Variants in FGFR3 observed in about 807,000 individuals in gnomAD.
FGFR3 encodes fibroblast growth factor receptor 3.
A neutral mutation model predicts 82.9 loss-of-function variants in FGFR3; 25 were observed. That is an observed-to-expected ratio of 0.30 (90% CI 0.22 to 0.42). FGFR3 has a LOEUF of 0.42. Ranked by LOEUF, FGFR3 falls within the 10% of genes least tolerant of loss-of-function variation. FGFR3 has a pLI of 1.00. For missense variants in FGFR3, 1,026 were observed against 1,161.0 expected, an observed-to-expected ratio of 0.88 and a Z score of 1.69; for synonymous variants, 620 against 516.0, an observed-to-expected ratio of 1.20 and a Z score of -2.73.
intron 8 of FGFR3, 75 bp from the exon 9 acceptor site, chr4:1,804,255 T>C (rs992111114): frequency 1.3e-6 from 2 of 1,500,716 alleles, no homozygotes; most frequent in Non-Finnish European, 1.8e-6. Context: ...TGCCTGCGGC[T>C]CTGGGCCAGG....
In FGFR3 at chr4:1,794,069, G is replaced by A. The variant is rs17884282; in HGVS notation, c.109+26G>A. On this transcript the variant is annotated intron_variant, in intron 2 of 17. Transcript: ENST00000440486. ...GTAAGAAGGGACCCACTAGGCACGG[G>A]AGAGGCCGGCCCGTGCGGGCAGAGG... 2.0e-3 allele frequency: 2,565 copies of A among 1,310,080 alleles called. 28 individuals carry two copies. The African/African-American group carries it at 0.027, about 14-fold the overall frequency. The allele number at this position is 1,310,080 out of a possible 1,614,324, so 81.2% of individuals were successfully genotyped here.
rs1316920926 is a variant in FGFR3, at chr4:1,806,809, C to T, written c.2169-20C>T. The T allele has an allele frequency of 6.3e-7, 1 of 1,588,578 alleles. No individual in the cohort carries two copies. The highest frequency in any genetic ancestry group is 1.7e-4 in the Middle Eastern group (1 of 5,822). On this transcript the variant is annotated intron_variant, in intron 16 of 17. Transcript: ENST00000440486. ...AAGGCGGGAAGCGGCGGGGCTCACT[C>T]CTGAGCGCCCTGCCCGCAGGTACAT...
Position 1,793,972 on chromosome 4 carries a change from C to CCGTGGCCAT in FGFR3, c.46_54dup (p.Ile16_Ala18dup), listed in dbSNP as rs1397457925. ...GCCTGCGCCCTCGCGCTCTGCGTGGCCGTGGCCATCGTGGCCGGCGCCTCC... is the reference window on the plus strand; with the variant it reads ...GCCTGCGCCCTCGCGCTCTGCGTGGCCGTGGCCATCGTGGCCATCGTGGCCGGCGCCTCC... On this transcript the variant is annotated inframe_insertion, in exon 2 of 18. Transcript: ENST00000440486. 1 of 1,380,356 alleles carries CCGTGGCCAT rather than the reference C, an allele frequency of 7.2e-7. No homozygotes were observed. The highest frequency in any genetic ancestry group is 9.5e-7 in the Non-Finnish European group (1 of 1,054,104). The allele number at this position is 1,380,356 out of a possible 1,614,324, so 85.5% of individuals were successfully genotyped here. A position where few individuals can be genotyped will look rare whatever the true frequency, so the allele number is the denominator to read the frequency against.
At position 1,806,163 on chromosome 4, in the gene FGFR3, A is replaced by C. The variant is rs121913105; in HGVS notation, c.1949A>C (p.Lys650Thr). 4 of 1,612,928 alleles carry C rather than the reference A, an allele frequency of 2.5e-6. No individual in the cohort carries two copies. The highest frequency in any genetic ancestry group is 1.3e-5 in the African/African-American group (1 of 74,930). Residue 650 changes from lysine (K) to threonine (T), a missense_variant, in exon 14 of 18, where the codon AAG becomes ACG. Transcript: ENST00000440486. ...RDVHNLDYYK[K>T]TTNGRLPVKW... ...GTGCACAACCTCGACTACTACAAGAAGACGACCAACGTGAGCCCGGCCCTG... is the reference window on the plus strand; with the variant it reads ...GTGCACAACCTCGACTACTACAAGACGACGACCAACGTGAGCCCGGCCCTG...
At chr4:1,794,107 G>GTCCCC in intron 2 of FGFR3, 64 bp downstream of exon 2, 1 of 1,026,316 alleles carries the variant, frequency 9.7e-7, no homozygotes. Flanking sequence ...TTGGGGACGG[G>GTCCCC]AACCGGCCCC....
intron 3 of FGFR3, 75 bp from the exon 4 acceptor site, chr4:1,799,672 G>GC (rs1720959377): frequency 6.3e-7 from 1 of 1,586,724 alleles, no homozygotes; most frequent in Non-Finnish European, 8.6e-7. Context: ...GGGGGACCCT[G>GC]CCCCATCTGG....
intron 2 of FGFR3, 28 bp from the exon 3 acceptor site, chr4:1,799,226 G>A: frequency 6.2e-7 from 1 of 1,611,600 alleles, no homozygotes; most frequent in South Asian, 1.1e-5. Context: ...GGGGGTGCCT[G>A]CCTCATGGTT....
rs1368752075 is a variant in FGFR3, at chr4:1,807,443, G to A, written c.*181G>A. The A allele has an allele frequency of 6.2e-6, 6 of 964,382 alleles. No individual in the cohort carries two copies. The highest frequency in any genetic ancestry group is 2.0e-5 in the Admixed American group (1 of 50,324). 59.7% of individuals were successfully genotyped at this position (964,382 alleles called of 1,614,324 possible). A position where few individuals can be genotyped will look rare whatever the true frequency, so the allele number is the denominator to read the frequency against. The stretch of plus-strand genomic sequence containing the variant: ...TGCACATCCGCGTGTGCCTGTGTGC[G>A]TGCGCATCTTGCCTCCAGGTGCAGA... On this transcript the variant is annotated 3_prime_UTR_variant, in exon 18 of 18. Coordinates refer to ENST00000440486, the MANE Select transcript of FGFR3 (RefSeq NM_000142.5).
intron 4 of FGFR3, among the ~76,000 whole-genome samples, chr4:1,800,594 T>C (rs1398770912): frequency 3.9e-5 from 6 of 152,080 alleles, no homozygotes; most frequent in African/African-American, 1.4e-4. Context: ...CTCAGCACCG[T>C]GGGGTGCCTC....
At chr4:1,800,767 C>T (rs376781509) in intron 4 of FGFR3, among the ~76,000 whole-genome samples, 1 of 152,282 alleles carries the variant, frequency 6.6e-6, no homozygotes, top group South Asian at 2.1e-4. Flanking sequence ...GCAGCACCAG[C>T]CCTGAGGAAG....
At chr4:1,803,961 C>G (rs1721533095) in intron 8 of FGFR3, 125 bp downstream of exon 8, 1 of 1,143,112 alleles carries the variant, frequency 8.7e-7, no homozygotes, top group African/African-American at 1.5e-5. Context: ...TGAGCCCTCA[C>G]TCCTGGCCCT....
intron 4 of FGFR3, among the ~76,000 whole-genome samples, chr4:1,801,034 C>G (rs1487735776): frequency 1.3e-5 from 2 of 152,216 alleles, no homozygotes; most frequent in Admixed American, 1.3e-4. Context: ...GGGCCTGCCC[C>G]CTGGGTCTTC....
In FGFR3 at chr4:1,808,751, G is replaced by T. The variant is rs906515303; in HGVS notation, c.*1489G>T. The T allele has an allele frequency of 3.4e-5, 8 of 231,926 alleles. No individual in the cohort carries two copies. Among genetic ancestry groups the T allele is most frequent in the Admixed American group, 3.4e-4 (6 of 17,708 alleles). 14.4% of individuals were successfully genotyped at this position (231,926 alleles called of 1,614,324 possible). The stretch of plus-strand genomic sequence containing the variant: ...GCTTGCCTGCAGGGCCATGGCTCAG[G>T]GTGGTCTCTTCTTGGGGCCCAGTGC... On this transcript the variant is annotated 3_prime_UTR_variant, in exon 18 of 18. Coordinates refer to ENST00000440486, the MANE Select transcript of FGFR3 (RefSeq NM_000142.5).
At chr4:1,800,368 G>A (rs2108777031) in intron 4 of FGFR3, among the ~76,000 whole-genome samples, 1 of 152,210 alleles carries the variant, frequency 6.6e-6, no homozygotes, top group Non-Finnish European at 1.5e-5. Flanking sequence ...GTGGGGAGGT[G>A]GGGCTTCTGG....
intron 9 of FGFR3, 131 bp downstream of exon 9, chr4:1,804,651 C>T (rs1416060722): frequency 7.0e-6 from 10 of 1,437,546 alleles, no homozygotes; most frequent in South Asian, 5.7e-5. Context: ...CTCCTCGTCT[C>T]TGCTCACCAT....
In FGFR3 at chr4:1,805,803, C is replaced by T. The variant is rs759874872; in HGVS notation, c.1699C>T (p.Leu567=). 3 of 1,612,412 alleles carry T rather than the reference C, an allele frequency of 1.9e-6. No homozygotes were observed. Among genetic ancestry groups the T allele is most frequent in the Non-Finnish European group, 2.5e-6 (3 of 1,179,840 alleles). ...YAAKGNLREF[L]RARRPPGLDY... ...GGCCAAGGGTAACCTGCGGGAGTTTCTGCGGGCGCGGCGGCCCCCGGGCCT... is the reference window on the plus strand; with the variant it reads ...GGCCAAGGGTAACCTGCGGGAGTTTTTGCGGGCGCGGCGGCCCCCGGGCCT... The change falls in exon 13 of 18, where the codon CTG becomes TTG. Residue 567 remains leucine (L), a synonymous_variant. Transcript: ENST00000440486.
Position 1,794,044 on chromosome 4 carries a change from G to T in FGFR3, c.109+1G>T. On this transcript the variant is annotated splice_donor_variant, in intron 2 of 17. Coordinates refer to ENST00000440486, the MANE Select transcript of FGFR3 (RefSeq NM_000142.5). LOFTEE classifies it high-confidence loss of function. ...CAGCGCGTCGTGGGGCGAGCGGCAGGTAAGAAGGGACCCACTAGGCACGGG... is the reference window on the plus strand; with the variant it reads ...CAGCGCGTCGTGGGGCGAGCGGCAGTTAAGAAGGGACCCACTAGGCACGGG... 7.2e-7 allele frequency: 1 copy of T among 1,397,874 alleles called. No homozygotes were observed. Among genetic ancestry groups the T allele is most frequent in the Non-Finnish European group, 9.4e-7 (1 of 1,062,712 alleles). The allele number at this position is 1,397,874 out of a possible 1,614,324, so 86.6% of individuals were successfully genotyped here.
rs963887830 is a variant in FGFR3, at chr4:1,807,154, C to T, written c.2313C>T (p.Ser771=). ...LDLSAPFEQY[S]PGGQDTPSSS... ...TGTCGGCGCCTTTCGAGCAGTACTC[C>T]CCGGGTGGCCAGGACACCCCCAGCT... The change falls in exon 18 of 18, where the codon TCC becomes TCT. Residue 771 remains serine, a synonymous_variant. Transcript: ENST00000440486. 1 of 1,599,402 alleles carries T rather than the reference C, an allele frequency of 6.3e-7. No individual in the cohort carries two copies. Among genetic ancestry groups the T allele is most frequent in the Non-Finnish European group, 8.5e-7 (1 of 1,173,706 alleles).
rs2305184 is a variant in FGFR3 at position 1,802,097 on chromosome 4, C to G, written c.930+72C>G. 0.16 allele frequency: 234,604 copies of G among 1,509,874 alleles called. 20,654 individuals are homozygous for G. The highest frequency in any genetic ancestry group is 0.36 in the African/African-American group (26,374 of 72,456). The allele number at this position is 1,509,874 out of a possible 1,614,324, so 93.5% of individuals were successfully genotyped here. ...TGGCCCCAAGGGTGCCCCTTGGCTG[C>G]GGGTTGCGTGAGGATTTGGGTCTAG... On this transcript the variant is annotated intron_variant, in intron 7 of 17. Transcript: ENST00000440486.
Sources: gnomAD v4.1 joint callset for allele counts (sites outside exome capture counted in the v4.1 genomes callset) on GRCh38, gnomAD v4.1.1 for gene constraint, MANE v1.5 for transcripts, NCBI Gene and HGNC (gene_info 2026-07-23, HGNC 2026-07-21) for gene names.